Variants in PM20D2 observed in about 807,000 individuals in gnomAD.
PM20D2 encodes the protein xaa-Arg dipeptidase.
PM20D2 carries 33 observed loss-of-function variants against 42.9 expected under a neutral mutation model. The observed-to-expected ratio is 0.77, with a 90% confidence interval of 0.58 to 1.03. The LOEUF is 1.03. PM20D2 is among the 50% of genes least tolerant of loss of function. The probability of loss-of-function intolerance (pLI) is 0.00; values close to 1 mark genes in which losing one functional copy is unlikely to be tolerated. For synonymous variants in PM20D2, 250 were observed against 228.2 expected (o/e 1.10, Z -0.86); for missense variants, 548 against 557.0 (o/e 0.98, Z 0.16).
the PM20D2 span, among the ~76,000 whole-genome samples, chr6:89,136,490 A>G: frequency 6.6e-6 from 1 of 150,920 alleles, no homozygotes; most frequent in East Asian, 1.9e-4. Flanking sequence ...ATCCTGGCTA[A>G]CACGGTGAAA....
At chr6:89,103,187 G>C in the PM20D2 span, among the ~76,000 whole-genome samples, 2 of 152,116 alleles carry the variant, frequency 1.3e-5, no homozygotes, top group Non-Finnish European at 2.9e-5. Flanking sequence ...GATACTCCAG[G>C]ATGATTTGAG....
the PM20D2 span, among the ~76,000 whole-genome samples, chr6:89,109,239 C>G: frequency 6.6e-6 from 1 of 152,246 alleles, no homozygotes; most frequent in South Asian, 2.1e-4. Flanking sequence ...CATAGTGAGG[C>G]CCAGTTATGT....
In PM20D2 at chr6:89,151,422, G is replaced by T. The variant is rs562103861; in HGVS notation, c.615-1621G>T. Among the ~76,000 whole-genome samples, 11 of 151,810 alleles carry T rather than the reference G, an allele frequency of 7.2e-5. No individual in the cohort carries two copies. In the East Asian group the frequency reaches 1.2e-3, roughly 16 times the overall value. On this transcript the variant is annotated intron_variant, in intron 2 of 6. Coordinates refer to ENST00000275072, the MANE Select transcript of PM20D2 (RefSeq NM_001010853.3). ...TTTTTGTATTTTTAGTAGAGACAGG[G>T]TCACCATGTTGGCCAGGCTGGTCTT...
In PM20D2 at chr6:89,153,036, T is replaced by C. The variant is rs771354472; in HGVS notation, c.615-7T>C. 2.9e-5 allele frequency: 46 copies of C among 1,579,824 alleles called. No individual in the cohort carries two copies. The highest frequency in any genetic ancestry group is 3.7e-5 in the Non-Finnish European group (43 of 1,163,884). On this transcript the variant is annotated splice_region_variant and splice_polypyrimidine_tract_variant and intron_variant, in intron 2 of 6. Transcript: ENST00000275072. ...AAAGTAATTTCAAATGATTTTTTAT[T>C]TCCTAGTGTGACTGTGAAATACTAT...
chr6:89,130,820 T>C, the PM20D2 span, among the ~76,000 whole-genome samples: 13 of 49,126 alleles, frequency 2.6e-4, no homozygotes, highest in African/African-American at 9.2e-4. Flanking sequence ...CTTCTTCTTC[T>C]TTTTTTTTTT....
At chr6:89,130,744 G>A in the PM20D2 span, among the ~76,000 whole-genome samples, 8 of 148,244 alleles carry the variant, frequency 5.4e-5, no homozygotes, top group Non-Finnish European at 1.5e-5. Flanking sequence ...ACAGGTGTGA[G>A]CCACTACATC....
At chr6:89,156,316 T>C (rs1177143147) in intron 4 of PM20D2, among the ~76,000 whole-genome samples, 4 of 152,220 alleles carry the variant, frequency 2.6e-5, no homozygotes, top group Non-Finnish European at 4.4e-5. Flanking sequence ...AGACAAGATC[T>C]TGACCCATAA....
At chr6:89,136,836 A>G in the PM20D2 span, among the ~76,000 whole-genome samples, 1 of 151,228 alleles carries the variant, frequency 6.6e-6, no homozygotes, top group Non-Finnish European at 1.5e-5. Flanking sequence ...ATGTGGTAGT[A>G]TAGCAAAGGG....
At chr6:89,136,220 C>T in the PM20D2 span, among the ~76,000 whole-genome samples, 2 of 151,112 alleles carry the variant, frequency 1.3e-5, no homozygotes, top group East Asian at 1.9e-4. Flanking sequence ...TTTGTTAGAT[C>T]GGTGTTCCCA....
chr6:89,104,025 C>G, the PM20D2 span, among the ~76,000 whole-genome samples: 3 of 97,180 alleles, frequency 3.1e-5, no homozygotes, highest in South Asian at 7.1e-4. Flanking sequence ...TTTGGAGAGA[C>G]GGAGTCTCAC....
the PM20D2 span, among the ~76,000 whole-genome samples, chr6:89,132,042 G>A: frequency 1.3e-5 from 2 of 152,138 alleles, no homozygotes; most frequent in Non-Finnish European, 2.9e-5. Flanking sequence ...CCTCCAAAGA[G>A]AAAGTAATCA....
the PM20D2 span, among the ~76,000 whole-genome samples, chr6:89,123,738 A>G: frequency 6.8e-6 from 1 of 147,046 alleles, no homozygotes; most frequent in Non-Finnish European, 1.5e-5. Context: ...AAAAAAAAAA[A>G]GGTTTATAGA....
chr6:89,131,523 AT>A, the PM20D2 span, among the ~76,000 whole-genome samples: 96,444 of 151,416 alleles, frequency 0.64, 31,722 homozygotes, highest in South Asian at 0.76. Context: ...CCCTGTCTCT[AT>A]TTTTTTTTAA....
At chr6:89,110,149 T>C in the PM20D2 span, among the ~76,000 whole-genome samples, 3 of 152,222 alleles carry the variant, frequency 2.0e-5, no homozygotes, top group African/African-American at 7.2e-5. Context: ...TCAGTATTTT[T>C]AAAGAAATAT....
chr6:89,106,398 C>A, the PM20D2 span, among the ~76,000 whole-genome samples: 1 of 152,174 alleles, frequency 6.6e-6, no homozygotes, highest in Non-Finnish European at 1.5e-5. Flanking sequence ...CAGGCATGAG[C>A]CACCGCACCC....
At chr6:89,105,473 T>C in the PM20D2 span, 3 of 1,611,796 alleles carry the variant, frequency 1.9e-6, no homozygotes, top group South Asian at 2.2e-5. Flanking sequence ...GACGGCCACA[T>C]ACCCACTTTC....
At chr6:89,109,035 AT>A in the PM20D2 span, among the ~76,000 whole-genome samples, 15 of 152,292 alleles carry the variant, frequency 9.8e-5, no homozygotes, top group East Asian at 2.9e-3. Flanking sequence ...GCAAATACTT[AT>A]TGAGCACCTA....
upstream of PM20D2, among the ~76,000 whole-genome samples, chr6:89,142,968 A>AT (rs1225051891): frequency 2.0e-5 from 3 of 152,090 alleles, no homozygotes; most frequent in Non-Finnish European, 4.4e-5. Flanking sequence ...CCCCACAATT[A>AT]TTTTTGTTTG....
chr6:89,110,670 C>T, the PM20D2 span, among the ~76,000 whole-genome samples: 1 of 152,246 alleles, frequency 6.6e-6, no homozygotes, highest in Non-Finnish European at 1.5e-5. Context: ...CACTGTGAAT[C>T]GGCCTTAGGT....
Sources: gnomAD v4.1 joint callset for allele counts (sites outside exome capture counted in the v4.1 genomes callset) on GRCh38, gnomAD v4.1.1 for gene constraint, MANE v1.5 for transcripts, NCBI Gene and HGNC (gene_info 2026-07-23, HGNC 2026-07-21) for gene names.